Variants in MND1 observed in about 807,000 individuals in gnomAD.
MND1 encodes meiotic nuclear divisions 1.
In MND1, 28 loss-of-function variants were observed where a neutral mutation model predicts 35.1. That is an observed-to-expected ratio of 0.80 (90% CI 0.59 to 1.09). The LOEUF (loss-of-function observed/expected upper bound fraction) is 1.09. Ranked by LOEUF, MND1 falls within the 50% of genes least tolerant of loss-of-function variation. The probability of loss-of-function intolerance (pLI) is 0.00; values close to 1 mark genes in which losing one functional copy is unlikely to be tolerated. For synonymous variants in MND1, 69 were observed against 70.5 expected (o/e 0.98, Z 0.11); for missense variants, 213 against 239.6 (o/e 0.89, Z 0.73).
At chr4:153,354,789 C>T (rs1417817920) in intron 2 of MND1, among the ~76,000 whole-genome samples, 1 of 152,130 alleles carries the variant, frequency 6.6e-6, no homozygotes, top group Non-Finnish European at 1.5e-5. Context: ...CAGGAGACAC[C>T]ATGACTGGCC....
chr4:153,345,518 T>A, intron 1 of MND1: 1 of 985,482 alleles, frequency 1.0e-6, no homozygotes, highest in Non-Finnish European at 1.2e-6. Flanking sequence ...TAAGATCGGC[T>A]TTGTGAGCTT....
chr4:153,413,219 G>A (rs1190085331), intron 7 of MND1, among the ~76,000 whole-genome samples: 2 of 152,100 alleles, frequency 1.3e-5, no homozygotes, highest in Non-Finnish European at 2.9e-5. Flanking sequence ...TAACATTCCA[G>A]AAGAACCTAT....
chr4:153,349,359 C>T (rs1164680994), intron 1 of MND1, among the ~76,000 whole-genome samples: 5 of 152,184 alleles, frequency 3.3e-5, no homozygotes, highest in East Asian at 3.9e-4. Context: ...ATTAACTTAA[C>T]GAAAATGCAA....
At chr4:153,352,902 A>G (rs2149629854) in intron 2 of MND1, among the ~76,000 whole-genome samples, 1 of 152,176 alleles carries the variant, frequency 6.6e-6, no homozygotes, top group Admixed American at 6.5e-5. Context: ...ACTTGAGATC[A>G]TTTGCTCTGT....
chr4:153,383,327 A>G (rs992691945), intron 4 of MND1, among the ~76,000 whole-genome samples: 4 of 152,214 alleles, frequency 2.6e-5, no homozygotes, highest in African/African-American at 9.6e-5. Context: ...GAGAGGTGGA[A>G]TGTTGGGTAG....
At chr4:153,391,417 A>G (rs1178903414) in intron 4 of MND1, among the ~76,000 whole-genome samples, 2 of 151,924 alleles carry the variant, frequency 1.3e-5, no homozygotes, top group Non-Finnish European at 2.9e-5. Flanking sequence ...TATAAATGGG[A>G]ACTCTTTTTT....
At chr4:153,351,754 G>T (rs1176555905) in intron 2 of MND1, among the ~76,000 whole-genome samples, 1 of 152,152 alleles carries the variant, frequency 6.6e-6, no homozygotes, top group Non-Finnish European at 1.5e-5. Context: ...ATTTGTTACA[G>T]AATTTGATTT....
chr4:153,359,843 A>G (rs1294868359), intron 4 of MND1, among the ~76,000 whole-genome samples: 1 of 145,168 alleles, frequency 6.9e-6, no homozygotes, highest in Admixed American at 7.0e-5. Context: ...GCTGGAGTGC[A>G]ATGGTGCGAT....
chr4:153,344,750 G>C lies in MND1; in HGVS notation c.3+10G>C, dbSNP rs755383639. 2 of 1,601,492 alleles carry C rather than the reference G, an allele frequency of 1.2e-6. No homozygotes were observed. Reference sequence around the variant, plus strand: ...CTGCGCCCGCGCCATGGTAAGGACTGAGGCTACGGTCCCGCGTCTTCTTCC... The same window carrying C: ...CTGCGCCCGCGCCATGGTAAGGACTCAGGCTACGGTCCCGCGTCTTCTTCC... On this transcript the variant is annotated intron_variant, in intron 1 of 7. Coordinates refer to ENST00000240488, the MANE Select transcript of MND1 (RefSeq NM_032117.4).
chr4:153,361,470 C>T (rs1247075767), intron 4 of MND1: 7 of 455,984 alleles, frequency 1.5e-5, no homozygotes, highest in South Asian at 4.6e-5. Flanking sequence ...ATCATGAATC[C>T]GAGTTTGCAT....
rs191299553 is a variant in MND1, at chr4:153,353,039, T to G, written c.70-2615T>G. On this transcript the variant is annotated intron_variant, in intron 2 of 7. Transcript: ENST00000240488. Reference sequence around the variant, plus strand: ...CTTGGTGCCTGCATTTAGGCAGATATCTCAGTGGTTCATGTTCTTTTTCTA... The same window carrying G: ...CTTGGTGCCTGCATTTAGGCAGATAGCTCAGTGGTTCATGTTCTTTTTCTA... Among the ~76,000 whole-genome samples, 446 of 152,322 alleles carry G rather than the reference T, an allele frequency of 2.9e-3. 1 individual carries two copies. The highest frequency in any genetic ancestry group is 0.01 in the African/African-American group (418 of 41,570).
chr4:153,385,096 C>T (rs1284189909), intron 4 of MND1, among the ~76,000 whole-genome samples: 1 of 152,132 alleles, frequency 6.6e-6, no homozygotes, highest in African/African-American at 2.4e-5. Flanking sequence ...AGATCTGAGC[C>T]AATAATACTG....
intron 4 of MND1, among the ~76,000 whole-genome samples, chr4:153,370,059 A>T (rs1367229636): frequency 6.6e-6 from 1 of 151,990 alleles, no homozygotes; most frequent in East Asian, 1.9e-4. Context: ...AGGCAGGCGG[A>T]TCACTTGAGG....
rs115300526 is a variant in MND1 at position 153,372,011 on chromosome 4, G to T, written c.276+13389G>T. ...AAGGAATAGGGAAGGCCAAGGGAGG[G>T]TGAGAGATGGGGGAACGGTGAGTCA... On this transcript the variant is annotated intron_variant, in intron 4 of 7. Coordinates refer to ENST00000240488, the MANE Select transcript of MND1 (RefSeq NM_032117.4). Among the ~76,000 whole-genome samples the T allele has an allele frequency of 8.0e-3, 1,216 of 152,170 alleles. 16 individuals are homozygous for T. Among genetic ancestry groups the T allele is most frequent in the African/African-American group, 0.027 (1,135 of 41,550 alleles).
intron 4 of MND1, among the ~76,000 whole-genome samples, chr4:153,371,354 C>G (rs985395289): frequency 4.6e-5 from 7 of 152,094 alleles, no homozygotes; most frequent in Admixed American, 6.5e-5. Context: ...GCATGGACTT[C>G]TCCTCTCTAG....
chr4:153,372,574 T>A (rs1033924224), intron 4 of MND1, among the ~76,000 whole-genome samples: 1 of 152,192 alleles, frequency 6.6e-6, no homozygotes, highest in East Asian at 1.9e-4. Context: ...CCTAAAAGTT[T>A]TTTTAATTCC....
At chr4:153,406,036 G>A (rs1456072658) in intron 6 of MND1, among the ~76,000 whole-genome samples, 2 of 151,920 alleles carry the variant, frequency 1.3e-5, no homozygotes, top group African/African-American at 2.4e-5. Flanking sequence ...ATCTGACCTC[G>A]TGATCTGCCC....
At chr4:153,379,104 C>T (rs554360405) in intron 4 of MND1, among the ~76,000 whole-genome samples, 45 of 151,678 alleles carry the variant, frequency 3.0e-4, no homozygotes, top group East Asian at 1.2e-3. Context: ...CTGGCTAACA[C>T]GGTGAAACCC....
At chr4:153,373,524 A>G (rs1728383497) in intron 4 of MND1, among the ~76,000 whole-genome samples, 1 of 152,206 alleles carries the variant, frequency 6.6e-6, no homozygotes. Context: ...TTGTTAGTAC[A>G]GTGAATCTAG....
Sources: gnomAD v4.1 joint callset for allele counts (sites outside exome capture counted in the v4.1 genomes callset) on GRCh38, gnomAD v4.1.1 for gene constraint, MANE v1.5 for transcripts, NCBI Gene and HGNC (gene_info 2026-07-23, HGNC 2026-07-21) for gene names.